ERN1: variants seen among roughly 807,000 people sequenced by gnomAD.
The protein encoded by ERN1 is endoplasmic reticulum to nucleus signaling 1.
A neutral mutation model predicts 113.1 loss-of-function variants in ERN1; 39 were observed. That is an observed-to-expected ratio of 0.34 (90% CI 0.27 to 0.45). The LOEUF (loss-of-function observed/expected upper bound fraction) is 0.45. Ranked by LOEUF, ERN1 falls within the 20% of genes least tolerant of loss-of-function variation. ERN1 has a pLI of 1.00. For missense variants in ERN1, 976 were observed against 1,274.8 expected (o/e 0.77, Z 3.57); for synonymous variants, 507 against 515.9 (o/e 0.98, Z 0.23).
At chr17:64,053,052 C>CCT (rs1912737880) in intron 16 of ERN1, 73 bp from the exon 17 acceptor site, 2 of 1,244,620 alleles carry the variant, frequency 1.6e-6, no homozygotes, top group African/African-American at 3.0e-5. Context: ...GGGAATGTGT[C>CCT]CTCGTCAGAC....
rs372891669 is a variant in ERN1 at position 64,065,226 on chromosome 17, C to A, written c.904G>T (p.Glu302Ter). Residue 302 changes from glutamate (E) to a stop codon, truncating the protein, a stop_gained, in exon 9 of 22, where the codon GAG (glutamate) becomes TAG (stop). Transcript: ENST00000433197. LOFTEE classifies it high-confidence loss of function. Reference protein sequence around the residue: ...SLYASPSMVHEGVAVVPRGST... With the variant: ...SLYASPSMVH ...GGACTTACCACGACAGCAACCCCCT[C>A]GTGTACCATTGAGGGAGAGGCATAG... is the stretch of plus-strand genomic sequence containing the variant. 6.2e-7 allele frequency: 1 copy of A among 1,608,478 alleles called. No homozygotes were observed. The highest frequency in any genetic ancestry group is 1.7e-5 in the Admixed American group (1 of 59,290).
chr17:64,068,071 A>G (rs1913290785), intron 7 of ERN1, 119 bp downstream of exon 7: 5 of 697,020 alleles, frequency 7.2e-6, no homozygotes. Context: ...AGTCCATGGA[A>G]AGAAAGAACC....
At chr17:64,101,715 C>T (rs1914389091) in intron 1 of ERN1, among the ~76,000 whole-genome samples, 2 of 152,294 alleles carry the variant, frequency 1.3e-5, no homozygotes, top group South Asian at 4.1e-4. Flanking sequence ...TTTAGAAACA[C>T]AGGGGTCTCC....
At chr17:64,074,352 T>C (rs35757538) in intron 5 of ERN1, among the ~76,000 whole-genome samples, 3,342 of 152,172 alleles carry the variant, frequency 0.022, 41 homozygotes, top group Non-Finnish European at 0.037. Context: ...GTCAGAAGAT[T>C]ATCAGATGTT....
intron 1 of ERN1, among the ~76,000 whole-genome samples, chr17:64,122,705 A>C (rs970570177): frequency 6.6e-6 from 1 of 152,248 alleles, no homozygotes; most frequent in African/African-American, 2.4e-5. Context: ...TGTAGTGTGA[A>C]TCATGTAAAA....
At chr17:64,120,685 A>C (rs76076276) in intron 1 of ERN1, among the ~76,000 whole-genome samples, 306 of 152,252 alleles carry the variant, frequency 2.0e-3, no homozygotes, top group African/African-American at 7.1e-3. Context: ...GCAATGGAAA[A>C]ATTAATCTCA....
intron 4 of ERN1, among the ~76,000 whole-genome samples, chr17:64,078,927 G>A (rs1264808021): frequency 1.3e-5 from 2 of 152,190 alleles, no homozygotes; most frequent in African/African-American, 4.8e-5. Flanking sequence ...GCTGGCTTGA[G>A]CCTGTGAGAC....
At chr17:64,119,167 A>C (rs572368935) in intron 1 of ERN1, among the ~76,000 whole-genome samples, 7 of 152,244 alleles carry the variant, frequency 4.6e-5, no homozygotes, top group African/African-American at 1.7e-4. Context: ...ATAAACAAGC[A>C]TAAGTCGGGT....
intron 2 of ERN1, among the ~76,000 whole-genome samples, chr17:64,095,915 A>G (rs554415192): frequency 1.1e-4 from 16 of 152,258 alleles, no homozygotes; most frequent in Non-Finnish European, 2.1e-4. Context: ...CACTTCACAG[A>G]GCCTCCTGCC....
At chr17:64,106,104 T>C (rs1914519789) in intron 1 of ERN1, among the ~76,000 whole-genome samples, 1 of 152,236 alleles carries the variant, frequency 6.6e-6, no homozygotes, top group Non-Finnish European at 1.5e-5. Context: ...AGGCTGCCTT[T>C]TGCAGTGCAG....
In ERN1 at chr17:64,063,967, G is replaced by T. The variant is rs752143352; in HGVS notation, c.1087+19C>A. ...CAGCACGCTGTCACCTCAGGCTACT[G>T]TGGGAGACCTGCTCTTACCTATCAG... On this transcript the variant is annotated intron_variant, in intron 10 of 21. Transcript: ENST00000433197. This position sits in a 1 kb window ranked among gnomAD's most constrained non-coding sequence, Gnocchi z 5.1. 4.3e-6 allele frequency: 7 copies of T among 1,612,508 alleles called. No homozygotes were observed. The highest frequency in any genetic ancestry group is 5.9e-6 in the Non-Finnish European group (7 of 1,179,014).
At chr17:64,045,055 A>G (rs941120178) in intron 20 of ERN1, 128 bp from the exon 21 acceptor site, 7 of 742,218 alleles carry the variant, frequency 9.4e-6, no homozygotes, top group Non-Finnish European at 1.4e-5. Context: ...ACACCTAGGC[A>G]TGGGAGCAGA....
In ERN1 at chr17:64,060,563, G is replaced by T. The variant is rs376936066; in HGVS notation, c.1112C>A (p.Ala371Glu). 6.2e-7 allele frequency: 1 copy of T among 1,613,256 alleles called. No homozygotes were observed. Among genetic ancestry groups the T allele is most frequent in the South Asian group, 1.1e-5 (1 of 91,074 alleles). The change falls in exon 11 of 22, where the codon GCG becomes GAG. Residue 371 changes from alanine (A) to glutamate (E), a missense_variant. Physicochemically the swap from Ala to Glu is moderately radical, Grantham distance 107 (BLOSUM62 -1). Transcript: ENST00000433197. The stretch of plus-strand genomic sequence containing the variant: ...AAATCTCTCCAGCATCTTGGTAGAC[G>T]CAGACAGTGGGGTTTCATGGTGTCC... ...LIGHHETPLS[A>E]STKMLERFPN...
chr17:64,075,750 CA>C (rs1913573721), intron 4 of ERN1, among the ~76,000 whole-genome samples: 1 of 152,200 alleles, frequency 6.6e-6, no homozygotes, highest in Non-Finnish European at 1.5e-5. Flanking sequence ...AAGATTTACA[CA>C]AATATGGAGA....
rs1912328773 is a variant in ERN1, at chr17:64,041,265, T to C, written c.*2723A>G. 1 of 152,260 alleles carries C rather than the reference T, an allele frequency of 6.6e-6. No homozygotes were observed. 9.4% of individuals were successfully genotyped at this position (152,260 alleles called of 1,614,324 possible). A position where few individuals can be genotyped will look rare whatever the true frequency, so the allele number is the denominator to read the frequency against. ...AGTAAGACAAGATTTAAATAAGTCA[T>C]AGTGTCCTTTGGATTCCTAACAGAT... On this transcript the variant is annotated 3_prime_UTR_variant, in exon 22 of 22. Transcript: ENST00000433197.
intron 1 of ERN1, among the ~76,000 whole-genome samples, chr17:64,120,094 C>A (rs934205781): frequency 1.8e-4 from 28 of 151,958 alleles, no homozygotes; most frequent in African/African-American, 6.0e-4. Context: ...AGATGCCGGC[C>A]CCCACTCCCA....
intron 8 of ERN1, among the ~76,000 whole-genome samples, chr17:64,066,446 C>T (rs1219209893): frequency 6.6e-6 from 1 of 152,148 alleles, no homozygotes; most frequent in African/African-American, 2.4e-5. Context: ...CGACACCTCC[C>T]ATCCATGATT....
rs1279653488 is a variant in ERN1 at position 64,047,898 on chromosome 17, G to A, written c.2489C>T (p.Pro830Leu). The stretch of plus-strand genomic sequence containing the variant: ...CTGCTTCTCTAGGCTCCAGAAGAAC[G>A]GGTGTTTGAGCACATGCTTCGCTGA... Reference protein sequence around the residue: ...RPSAKHVLKHPFFWSLEKQLQ... With the variant: ...RPSAKHVLKHLFFWSLEKQLQ... Residue 830 changes from proline (P) to leucine (L), a missense_variant, in exon 19 of 22, where the codon CCG (proline) becomes CTG (leucine). Coordinates refer to ENST00000433197, the MANE Select transcript of ERN1 (RefSeq NM_001433.5). 4 of 1,613,112 alleles carry A rather than the reference G, an allele frequency of 2.5e-6. No homozygotes were observed. Among genetic ancestry groups the A allele is most frequent in the Non-Finnish European group, 2.5e-6 (3 of 1,179,348 alleles).
intron 12 of ERN1, 134 bp from the exon 13 acceptor site, chr17:64,056,082 T>C: frequency 1.5e-6 from 2 of 1,371,104 alleles, no homozygotes; most frequent in Non-Finnish European, 1.9e-6. Context: ...AAGAGACCAG[T>C]GAGAAGGCAC....
Sources: allele counts gnomAD v4.1 joint callset (sites outside exome capture counted in the v4.1 genomes callset), GRCh38; gene constraint gnomAD v4.1.1; non-coding constraint Gnocchi (gnomAD v3.1); transcripts MANE v1.5; gene names NCBI Gene and HGNC (gene_info 2026-07-23, HGNC 2026-07-21).